The following ENOX1 variants were observed in gnomAD, a reference collection of about 807,000 sequenced individuals.
ENOX1 encodes ecto-NOX disulfide-thiol exchanger 1, also known as candidate growth-related and time keeping constitutive hydroquinone (NADH) oxidase.
A neutral mutation model predicts 82.5 loss-of-function variants in ENOX1; 42 were observed. The observed-to-expected ratio is 0.51, with a 90% CI of 0.40 to 0.66. The LOEUF (loss-of-function observed/expected upper bound fraction) is 0.66, where lower values mean the gene tolerates loss of function less well. ENOX1 is among the 30% of genes least tolerant of loss of function. The pLI is 0.00. For missense variants in ENOX1, 608 were observed against 811.6 expected (o/e 0.75, Z 3.05); for synonymous variants, 271 against 282.2 (o/e 0.96, Z 0.40).
In ENOX1 at chr13:43,742,392, A is replaced by G. The variant is rs140501847; in HGVS notation, c.-285+44260T>C. On this transcript the variant is annotated intron_variant, in intron 1 of 16. Coordinates refer to ENST00000690772, the MANE Select transcript of ENOX1 (RefSeq NM_001347969.2). ...CAGTCAAAGACAGGAGAAAATGGAT[A>G]CTCAAGCAAAGAGAGACAGAGAGAG... Among the ~76,000 whole-genome samples, 253 of 152,030 alleles carry G rather than the reference A, an allele frequency of 1.7e-3. 1 individual carries two copies. The highest frequency in any genetic ancestry group is 6.8e-3 in the Middle Eastern group (2 of 294).
chr13:43,579,289 C>A (rs898448061), intron 2 of ENOX1, among the ~76,000 whole-genome samples: 1 of 152,076 alleles, frequency 6.6e-6, no homozygotes, highest in African/African-American at 2.4e-5. Flanking sequence ...GTTATCTGTA[C>A]CCAGAGGTGT....
At chr13:43,309,867 G>A (rs9316013) in intron 11 of ENOX1, among the ~76,000 whole-genome samples, 145,093 of 152,190 alleles carry the variant, frequency 0.95, 69,583 homozygotes, top group East Asian at 1. Flanking sequence ...GGTGAGTATA[G>A]TTTTTCAGGT....
intron 12 of ENOX1, among the ~76,000 whole-genome samples, chr13:43,287,651 C>T (rs939886457): frequency 1.3e-5 from 2 of 152,210 alleles, no homozygotes; most frequent in Non-Finnish European, 2.9e-5. Context: ...CTTATGACCT[C>T]TGGTCAGTGA....
At chr13:43,553,872 C>A (rs547241237) in intron 2 of ENOX1, among the ~76,000 whole-genome samples, 1 of 152,178 alleles carries the variant, frequency 6.6e-6, no homozygotes, top group Non-Finnish European at 1.5e-5. Flanking sequence ...TTCAGCCTCC[C>A]GAGCAGCTGG....
chr13:43,668,676 T>C (rs2085105523), intron 1 of ENOX1, among the ~76,000 whole-genome samples: 1 of 152,174 alleles, frequency 6.6e-6, no homozygotes, highest in Admixed American at 6.5e-5. Context: ...GGATAAAAAT[T>C]ACCACATGGC....
At chr13:43,609,614 T>C (rs990058697) in intron 2 of ENOX1, among the ~76,000 whole-genome samples, 54 of 152,230 alleles carry the variant, frequency 3.5e-4, no homozygotes. Flanking sequence ...GTATAGCACA[T>C]GTAGCATCTA....
At chr13:43,651,874 C>A (rs2153777500) in intron 2 of ENOX1, among the ~76,000 whole-genome samples, 1 of 146,698 alleles carries the variant, frequency 6.8e-6, no homozygotes, top group Admixed American at 7.0e-5. Context: ...ACCTGGGAGG[C>A]TGAGGCAGGA....
intron 1 of ENOX1, among the ~76,000 whole-genome samples, chr13:43,756,662 T>A (rs1348457721): frequency 2.6e-5 from 4 of 152,122 alleles, no homozygotes; most frequent in Non-Finnish European, 4.4e-5. Context: ...TTCCTCTCTT[T>A]TATCTCCAGT....
chr13:43,435,311 T>C (rs2055953811), intron 3 of ENOX1, among the ~76,000 whole-genome samples: 1 of 152,142 alleles, frequency 6.6e-6, no homozygotes, highest in Non-Finnish European at 1.5e-5. Context: ...GGCCTGTTGG[T>C]CAGAACATGA....
Position 43,214,029 on chromosome 13 carries a change from TCTTTTTTCCAGCGTGGC to T in ENOX1, c.1876_1892del (p.Ala626MetfsTer7). Reference sequence around the variant, plus strand: ...TTCCTTCAAAGGCACACAGCTTCCATCTTTTTTCCAGCGTGGCTCCCACACCCGTGAATTCCTGTTTG... The same window carrying T: ...TTCCTTCAAAGGCACACAGCTTCCATTCCCACACCCGTGAATTCCTGTTTG... On this transcript the variant is annotated frameshift_variant, in exon 17 of 17. Transcript: ENST00000690772. LOFTEE classifies it high-confidence loss of function. The T allele has an allele frequency of 6.2e-7, 1 of 1,614,012 alleles. No homozygotes were observed. The highest frequency in any genetic ancestry group is 8.5e-7 in the Non-Finnish European group (1 of 1,179,922).
chr13:43,406,135 G>A (rs934286948), intron 5 of ENOX1, among the ~76,000 whole-genome samples: 2 of 152,288 alleles, frequency 1.3e-5, no homozygotes, highest in East Asian at 3.9e-4. Context: ...AGGTGTTCCT[G>A]TGAGGATTAA....
chr13:43,295,427 C>A (rs1425291017), intron 12 of ENOX1, among the ~76,000 whole-genome samples: 1 of 152,180 alleles, frequency 6.6e-6, no homozygotes, highest in East Asian at 1.9e-4. Flanking sequence ...TGTTAGGAAC[C>A]CTGCCCATAG....
intron 1 of ENOX1, among the ~76,000 whole-genome samples, chr13:43,686,113 T>C (rs2153800687): frequency 6.6e-6 from 1 of 152,280 alleles, no homozygotes; most frequent in Admixed American, 6.5e-5. Context: ...AGCTTAGATA[T>C]TGGGACTTAA....
Position 43,473,846 on chromosome 13 carries a change from C to A in ENOX1, c.-75+10163G>T, listed in dbSNP as rs138511854. Among the ~76,000 whole-genome samples the A allele has an allele frequency of 1.9e-3, 295 of 152,224 alleles. 2 individuals are homozygous for A. Among genetic ancestry groups the A allele is most frequent in the Middle Eastern group, 0.014 (4 of 294 alleles). ...GGAGACAGAAGCAGGAAGTCAGGTG[C>A]CCTGCACTTTAATGTCTTATTATTC... On this transcript the variant is annotated intron_variant, in intron 3 of 16. Transcript: ENST00000690772.
intron 16 of ENOX1, among the ~76,000 whole-genome samples, chr13:43,215,182 G>A (rs762029219): frequency 6.6e-6 from 1 of 152,156 alleles, no homozygotes; most frequent in African/African-American, 2.4e-5. Flanking sequence ...ATTTAAAAGA[G>A]ACACCAAATA....
At chr13:43,677,702 T>C (rs2085578611) in intron 1 of ENOX1, among the ~76,000 whole-genome samples, 1 of 152,174 alleles carries the variant, frequency 6.6e-6, no homozygotes, top group Non-Finnish European at 1.5e-5. Context: ...TATGGTATCT[T>C]TTAGTTCTCA....
chr13:43,259,725 C>T (rs1593575856), intron 14 of ENOX1, among the ~76,000 whole-genome samples: 1 of 152,204 alleles, frequency 6.6e-6, no homozygotes, highest in African/African-American at 2.4e-5. Context: ...CCACCCACCT[C>T]GGCCTCCCAA....
In ENOX1 at chr13:43,408,277, C is replaced by T. The variant is rs58003317; in HGVS notation, c.208+3639G>A. The stretch of plus-strand genomic sequence containing the variant: ...ATCAGAGGATATAAAAATCTTACGC[C>T]TTGCTTTACTGATAATTTTAATCTC... On this transcript the variant is annotated intron_variant, in intron 5 of 16. Coordinates refer to ENST00000690772, the MANE Select transcript of ENOX1 (RefSeq NM_001347969.2). Among the ~76,000 whole-genome samples the T allele has an allele frequency of 2.9e-3, 437 of 152,268 alleles. 1 individual carries two copies. The highest frequency in any genetic ancestry group is 0.01 in the African/African-American group (421 of 41,548).
chr13:43,386,167 A>C (rs1353002458), intron 5 of ENOX1, among the ~76,000 whole-genome samples: 1 of 152,206 alleles, frequency 6.6e-6, no homozygotes, highest in Non-Finnish European at 1.5e-5. Context: ...TTCTGTCTCA[A>C]AAACAAAACA....
Sources: gnomAD v4.1 joint callset for allele counts (sites outside exome capture counted in the v4.1 genomes callset) on GRCh38, gnomAD v4.1.1 for gene constraint, MANE v1.5 for transcripts, NCBI Gene and HGNC (gene_info 2026-07-23, HGNC 2026-07-21) for gene names.